The following SLC16A10 variants were observed in gnomAD, a reference collection of about 807,000 sequenced individuals.
SLC16A10 encodes monocarboxylate transporter 10.
SLC16A10 carries 27 observed loss-of-function variants against 40.0 expected under a neutral mutation model. That is an observed-to-expected ratio of 0.67 (90% confidence interval 0.50 to 0.93). The LOEUF (loss-of-function observed/expected upper bound fraction) is 0.93, where lower values mean the gene tolerates loss of function less well. Among genes scored for constraint, SLC16A10 ranks in the 40% least tolerant of loss-of-function variants. The pLI, the probability that SLC16A10 is intolerant of heterozygous loss-of-function variation, is 0.00. For missense variants in SLC16A10, 529 were observed against 658.2 expected (o/e 0.80, Z 2.15); for synonymous variants, 213 against 249.8 (o/e 0.85, Z 1.39).
intron 1 of SLC16A10, among the ~76,000 whole-genome samples, chr6:111,145,615 G>A (rs1447551948): frequency 1.3e-5 from 2 of 152,068 alleles, no homozygotes; most frequent in East Asian, 3.9e-4. Flanking sequence ...AGTATAAGCT[G>A]AGACAAGAAG....
At chr6:111,099,079 T>C (rs975845748) in intron 1 of SLC16A10, among the ~76,000 whole-genome samples, 12 of 152,216 alleles carry the variant, frequency 7.9e-5, no homozygotes, top group African/African-American at 2.9e-4. Flanking sequence ...TATTTTGATA[T>C]TGGTTCAAAA....
At chr6:111,200,295 G>A (rs1291468487) in intron 3 of SLC16A10, among the ~76,000 whole-genome samples, 5 of 152,138 alleles carry the variant, frequency 3.3e-5, no homozygotes, top group Non-Finnish European at 5.9e-5. Flanking sequence ...AGATACTTTA[G>A]TCTAAAGGCA....
At chr6:111,219,096 A>C (rs1251532056) in intron 5 of SLC16A10, 54 bp downstream of exon 5, 6 of 1,483,930 alleles carry the variant, frequency 4.0e-6, no homozygotes, top group Non-Finnish European at 5.6e-6. Context: ...TTTCTACTTC[A>C]GGTCTTAATT....
rs563397261 is a variant in SLC16A10, at chr6:111,174,511, G to A, written c.488+1672G>A. ...GAAAATAGATATTTTCATCTTTAAAGTACCTTTATGGGTTTTTTCTTCTAA... is the reference window on the plus strand; with the variant it reads ...GAAAATAGATATTTTCATCTTTAAAATACCTTTATGGGTTTTTTCTTCTAA... On this transcript the variant is annotated intron_variant, in intron 2 of 5. Coordinates refer to ENST00000368851, the MANE Select transcript of SLC16A10 (RefSeq NM_018593.5). Among the ~76,000 whole-genome samples the A allele has an allele frequency of 2.6e-5, 4 of 151,958 alleles. No individual in the cohort carries two copies. In the South Asian group the frequency reaches 8.3e-4, roughly 32 times the overall value.
At chr6:111,168,080 A>G (rs1173494731) in intron 1 of SLC16A10, among the ~76,000 whole-genome samples, 1 of 151,998 alleles carries the variant, frequency 6.6e-6, no homozygotes, top group East Asian at 1.9e-4. Flanking sequence ...CCCAGATTCA[A>G]GCGATTCTCA....
In SLC16A10 at chr6:111,228,987, CCATAGCA is replaced by C. The variant is rs1370358696; in HGVS notation, c.*6754_*6760del. Reference sequence around the variant, plus strand: ...GAGGTTGCAGTGAGCCAAGATTGCACCATAGCACTCCAGCCTGGGCAACAAGAGCAAA... The same window carrying C: ...GAGGTTGCAGTGAGCCAAGATTGCACCTCCAGCCTGGGCAACAAGAGCAAA... On this transcript the variant is annotated 3_prime_UTR_variant, in exon 6 of 6. Coordinates refer to ENST00000368851, the MANE Select transcript of SLC16A10 (RefSeq NM_018593.5). 1 of 143,610 alleles carries C rather than the reference CCATAGCA, an allele frequency of 7.0e-6. No individual in the cohort carries two copies. The highest frequency in any genetic ancestry group is 2.0e-4 in the East Asian group (1 of 4,904). 8.9% of individuals were successfully genotyped at this position (143,610 alleles called of 1,614,324 possible).
At chr6:111,192,215 T>C (rs1338285400) in intron 3 of SLC16A10, among the ~76,000 whole-genome samples, 1 of 152,168 alleles carries the variant, frequency 6.6e-6, no homozygotes, top group African/African-American at 2.4e-5. Context: ...CTTTGCTGCT[T>C]AGAAATTTTT....
chr6:111,151,959 CTGTT>C (rs961265095), intron 1 of SLC16A10, among the ~76,000 whole-genome samples: 12 of 152,148 alleles, frequency 7.9e-5, no homozygotes, highest in African/African-American at 2.7e-4. Flanking sequence ...GATTATCACA[CTGTT>C]TGTTGTTCTG....
intron 1 of SLC16A10, among the ~76,000 whole-genome samples, chr6:111,089,946 TGAGA>T (rs1237400493): frequency 2.4e-5 from 3 of 124,668 alleles, no homozygotes; most frequent in East Asian, 2.1e-4. Flanking sequence ...TTTTTTTTTT[TGAGA>T]GAGAGAGAGA....
chr6:111,119,628 A>G (rs1444811401), intron 1 of SLC16A10, among the ~76,000 whole-genome samples: 1 of 152,202 alleles, frequency 6.6e-6, no homozygotes, highest in East Asian at 1.9e-4. Context: ...TATGGACTGA[A>G]TGTTTGTAAC....
chr6:111,095,958 G>A (rs1244479929), intron 1 of SLC16A10, among the ~76,000 whole-genome samples: 1 of 152,102 alleles, frequency 6.6e-6, no homozygotes, highest in Admixed American at 6.5e-5. Context: ...AGGCTTTCAT[G>A]TACATTATTT....
chr6:111,139,008 G>T (rs73530923), intron 1 of SLC16A10, among the ~76,000 whole-genome samples: 1,831 of 151,190 alleles, frequency 0.012, 26 homozygotes, highest in African/African-American at 0.043. Flanking sequence ...TGTCCATCAG[G>T]CTCACATACT....
At chr6:111,125,177 A>T (rs1047818706) in intron 1 of SLC16A10, among the ~76,000 whole-genome samples, 3 of 152,170 alleles carry the variant, frequency 2.0e-5, no homozygotes, top group Non-Finnish European at 4.4e-5. Flanking sequence ...AATCCTGCCA[A>T]AAGACGTATT....
intron 3 of SLC16A10, chr6:111,193,250 G>GC (rs1554260894): frequency 5.1e-6 from 5 of 982,468 alleles, no homozygotes; most frequent in Non-Finnish European, 6.0e-6. Context: ...TGCTTTTCTT[G>GC]TTTTTTTCTA....
intron 3 of SLC16A10, among the ~76,000 whole-genome samples, chr6:111,179,811 G>A (rs9487595): frequency 0.026 from 3,979 of 152,266 alleles, 154 homozygotes; most frequent in African/African-American, 0.091. Context: ...AACGGTGCCC[G>A]TTATCGCACC....
At chr6:111,090,722 C>T (rs1770959994) in intron 1 of SLC16A10, among the ~76,000 whole-genome samples, 1 of 152,192 alleles carries the variant, frequency 6.6e-6, no homozygotes, top group South Asian at 2.1e-4. Context: ...TTTGATTGGT[C>T]ACACTTTTTC....
At chr6:111,095,005 A>G (rs1293020166) in intron 1 of SLC16A10, among the ~76,000 whole-genome samples, 1 of 152,206 alleles carries the variant, frequency 6.6e-6, no homozygotes, top group Non-Finnish European at 1.5e-5. Context: ...CCTCAGTTGT[A>G]CATCTGAGTG....
intron 3 of SLC16A10, among the ~76,000 whole-genome samples, chr6:111,200,349 G>T (rs1773148562): frequency 6.6e-6 from 1 of 152,172 alleles, no homozygotes; most frequent in East Asian, 1.9e-4. Flanking sequence ...TTTGGGGCTG[G>T]TCTAATCGAT....
chr6:111,197,300 A>T (rs1773094921), intron 3 of SLC16A10, among the ~76,000 whole-genome samples: 1 of 152,234 alleles, frequency 6.6e-6, no homozygotes, highest in Non-Finnish European at 1.5e-5. Context: ...TAGAATTTTC[A>T]TGGAAGGATC....
Sources: gnomAD v4.1 joint callset for allele counts (sites outside exome capture counted in the v4.1 genomes callset) on GRCh38, gnomAD v4.1.1 for gene constraint, MANE v1.5 for transcripts, NCBI Gene and HGNC (gene_info 2026-07-23, HGNC 2026-07-21) for gene names.